TMC2: variants seen among roughly 807,000 people sequenced by gnomAD.
TMC2 encodes the protein transmembrane channel like 2.
A neutral mutation model predicts 105.9 loss-of-function variants in TMC2; 102 were observed. That is an observed-to-expected ratio of 0.96 (90% CI 0.82 to 1.14). The LOEUF is 1.14. Among genes scored for constraint, TMC2 ranks in the 50% most tolerant of loss-of-function variants. The pLI is 0.00. For missense variants in TMC2, 1,093 were observed against 1,134.3 expected, an observed-to-expected ratio of 0.96 and a Z score of 0.52; for synonymous variants, 402 against 422.8, an observed-to-expected ratio of 0.95 and a Z score of 0.60.
intron 18 of TMC2, 104 bp from the exon 19 acceptor site, chr20:2,637,370 A>AGAGT: frequency 1.6e-6 from 1 of 629,732 alleles, no homozygotes; most frequent in South Asian, 1.9e-5. Flanking sequence ...CCTGGGCAAC[A>AGAGT]GAGTGAGACT....
intron 19 of TMC2, among the ~76,000 whole-genome samples, chr20:2,640,014 ACT>A (rs1226918578): frequency 6.6e-6 from 1 of 152,130 alleles, no homozygotes; most frequent in Non-Finnish European, 1.5e-5. Context: ...ATGGAGTCAC[ACT>A]CTGTCGCCCA....
chr20:2,613,871 C>T (rs2086461550), intron 14 of TMC2: 1 of 192,266 alleles, frequency 5.2e-6, no homozygotes, highest in South Asian at 1.0e-4. Flanking sequence ...GGCTCAGGCA[C>T]CTGTGCTGTA....
chr20:2,628,319 G>A (rs952407433), intron 17 of TMC2, among the ~76,000 whole-genome samples: 1 of 151,950 alleles, frequency 6.6e-6, no homozygotes, highest in African/African-American at 2.4e-5. Context: ...CTTATTAAAT[G>A]TATTCCTCTG....
chr20:2,610,518 C>T lies in TMC2; in HGVS notation c.1513C>T (p.Gln505Ter). The T allele has an allele frequency of 6.2e-7, 1 of 1,613,812 alleles. No individual in the cohort carries two copies. The highest frequency in any genetic ancestry group is 8.5e-7 in the Non-Finnish European group (1 of 1,179,858). Residue 505 changes from glutamine to a stop codon, truncating the protein, a stop_gained, in exon 12 of 20, where the codon CAG (glutamine) becomes TAG (stop). Coordinates refer to ENST00000358864, the MANE Select transcript of TMC2 (RefSeq NM_080751.3). LOFTEE classifies it high-confidence loss of function. ...NYHPRTGLKW[Q>*]LGRIFALFLG... ...CCACCCACGCACTGGACTGAAGTGG[C>T]AGCTGGGACGCATCTTTGCACTCTT...
chr20:2,641,029 A>C, intron 19 of TMC2, 105 bp from the exon 20 acceptor site: 1 of 970,434 alleles, frequency 1.0e-6, no homozygotes. Flanking sequence ...CACATCACCA[A>C]ATAGGACTAA....
intron 11 of TMC2, among the ~76,000 whole-genome samples, chr20:2,608,616 C>T (rs113810540): frequency 0.032 from 4,832 of 152,222 alleles, 169 homozygotes; most frequent in African/African-American, 0.081. Flanking sequence ...GCATGACCCA[C>T]TGCACCTAGC....
At position 2,642,093 on chromosome 20, in the gene TMC2, C is replaced by G. The variant is rs928150111; in HGVS notation, c.*742C>G. On this transcript the variant is annotated 3_prime_UTR_variant, in exon 20 of 20. Coordinates refer to ENST00000358864, the MANE Select transcript of TMC2 (RefSeq NM_080751.3). ...GAGTGAGACGCTGTCTTAACAACAA[C>G]AAGTCTGGCCAGGAGTGGTGGCTCA... 1.5e-5 allele frequency among the ~76,000 whole-genome samples: 2 copies of G among 135,188 alleles called. No individual in the cohort carries two copies. Among genetic ancestry groups the G allele is most frequent in the African/African-American group, 5.5e-5 (2 of 36,620 alleles). 88.7% of individuals were successfully genotyped at this position (135,188 alleles called of 152,430 possible).
chr20:2,613,608 A>G (rs6115181), intron 14 of TMC2: 93,420 of 381,876 alleles, frequency 0.24, 11,899 homozygotes, highest in Middle Eastern at 0.32. Flanking sequence ...GTACTGAGCC[A>G]ATGGTTGATA....
At position 2,617,097 on chromosome 20, in the gene TMC2, C is replaced by T; in HGVS notation, c.1966C>T (p.Leu656=). Residue 656 remains leucine (L), a synonymous_variant, in exon 16 of 20, where the codon CTG becomes TTG. Coordinates refer to ENST00000358864, the MANE Select transcript of TMC2 (RefSeq NM_080751.3). ...IWMGSFYAPG[L]VGINVLRLLT... is the part of the protein sequence containing the mutation. ...GATGGGCTCCTTCTATGCTCCAGGC[C>T]TGGTGGGCATTAATGTGCTGCGCCT... 6.2e-7 allele frequency: 1 copy of T among 1,614,190 alleles called. No individual in the cohort carries two copies. The highest frequency in any genetic ancestry group is 8.5e-7 in the Non-Finnish European group (1 of 1,180,024).
intron 2 of TMC2, among the ~76,000 whole-genome samples, chr20:2,543,325 CA>C (rs1302775644): frequency 2.0e-5 from 3 of 152,182 alleles, no homozygotes; most frequent in Non-Finnish European, 4.4e-5. Context: ...GTTGATAAGA[CA>C]AAACCGATCT....
intron 17 of TMC2, among the ~76,000 whole-genome samples, chr20:2,630,339 A>T (rs2086594804): frequency 6.6e-6 from 1 of 152,062 alleles, no homozygotes; most frequent in Admixed American, 6.6e-5. Flanking sequence ...TCTCCCTTAA[A>T]TTCTGTTTTT....
chr20:2,549,408 G>A (rs13042329), intron 2 of TMC2, among the ~76,000 whole-genome samples: 25,886 of 152,030 alleles, frequency 0.17, 2,340 homozygotes, highest in African/African-American at 0.22. Flanking sequence ...TTATTTTGTC[G>A]TCATCGTTGT....
At position 2,612,227 on chromosome 20, in the gene TMC2, T is replaced by C. The variant is rs1255698213; in HGVS notation, c.1630T>C (p.Trp544Arg). The change falls in exon 13 of 20, where the codon TGG (tryptophan) becomes CGG (arginine). Residue 544 changes from tryptophan to arginine, a missense_variant. Trp to Arg is a moderately radical substitution (Grantham distance 101). Transcript: ENST00000358864. Reference protein sequence around the residue: ...NEETIKNITHWTLFNYYNSSG... With the variant: ...NEETIKNITHRTLFNYYNSSG... ...AGAGACAATAAAGAACATCACTCAC[T>C]GGACTCTGTTTAACTATTACAACTC... 24 of 1,611,292 alleles carry C rather than the reference T, an allele frequency of 1.5e-5. No individual in the cohort carries two copies. Among genetic ancestry groups the C allele is most frequent in the Non-Finnish European group, 2.0e-5 (24 of 1,178,544 alleles).
chr20:2,607,269 G>T (rs2086400826), intron 11 of TMC2, among the ~76,000 whole-genome samples: 1 of 152,048 alleles, frequency 6.6e-6, no homozygotes, highest in Admixed American at 6.6e-5. Context: ...AAAATATATG[G>T]TGGCTTGCTG....
At chr20:2,632,256 A>G (rs975532506) in intron 17 of TMC2, among the ~76,000 whole-genome samples, 2 of 152,022 alleles carry the variant, frequency 1.3e-5, no homozygotes, top group Non-Finnish European at 2.9e-5. Flanking sequence ...CTGTCATCTC[A>G]GATATGTTGA....
At chr20:2,568,197 T>C (rs937026244) in intron 4 of TMC2, among the ~76,000 whole-genome samples, 2 of 152,178 alleles carry the variant, frequency 1.3e-5, no homozygotes, top group African/African-American at 4.8e-5. Flanking sequence ...AGACACATCA[T>C]AGTCAAACTT....
At chr20:2,577,095 A>G (rs1324835289) in intron 5 of TMC2, among the ~76,000 whole-genome samples, 1 of 150,508 alleles carries the variant, frequency 6.6e-6, no homozygotes, top group East Asian at 2.0e-4. Flanking sequence ...TTTAGTAGAG[A>G]CAGGGTTTGA....
intron 19 of TMC2, among the ~76,000 whole-genome samples, chr20:2,639,916 G>A (rs772558481): frequency 1.3e-5 from 2 of 152,118 alleles, no homozygotes; most frequent in African/African-American, 2.4e-5. Flanking sequence ...GTGTCTGCAC[G>A]CAGACACTTT....
At chr20:2,625,294 G>A (rs1282174524) in intron 17 of TMC2, among the ~76,000 whole-genome samples, 1 of 152,128 alleles carries the variant, frequency 6.6e-6, no homozygotes, top group Non-Finnish European at 1.5e-5. Context: ...TTCAACAGAT[G>A]TTAACATTTT....
Sources: allele counts gnomAD v4.1 joint callset (sites outside exome capture counted in the v4.1 genomes callset), GRCh38; gene constraint gnomAD v4.1.1; transcripts MANE v1.5; gene names NCBI Gene and HGNC (gene_info 2026-07-23, HGNC 2026-07-21).